The following AATF variants were observed in gnomAD, a reference collection of about 807,000 sequenced individuals.
The protein encoded by AATF is apoptosis antagonizing transcription factor.
AATF carries 48 observed loss-of-function variants against 63.7 expected under a neutral mutation model. The observed-to-expected ratio is 0.75, with a 90% confidence interval of 0.60 to 0.96. The LOEUF (loss-of-function observed/expected upper bound fraction) is 0.96. Ranked by LOEUF, AATF falls within the 40% of genes least tolerant of loss-of-function variation. The pLI, the probability that AATF is intolerant of heterozygous loss-of-function variation, is 0.00. For synonymous variants in AATF, 258 were observed against 247.7 expected (o/e 1.04, Z -0.39); for missense variants, 639 against 685.7 (o/e 0.93, Z 0.76).
chr17:37,018,852 G>A (rs985564029), intron 8 of AATF, 153 bp from the exon 9 acceptor site: 15 of 638,374 alleles, frequency 2.3e-5, no homozygotes, highest in African/African-American at 1.5e-4. Flanking sequence ...AAGCGTTAAC[G>A]GGAATTCAGT....
chr17:37,039,071 T>C (rs2142310281), intron 11 of AATF, among the ~76,000 whole-genome samples: 1 of 152,332 alleles, frequency 6.6e-6, no homozygotes, highest in South Asian at 2.1e-4. Context: ...TTTCCCCCAG[T>C]TGGTAACCCA....
At chr17:37,023,829 G>A (rs911882243) in intron 10 of AATF, among the ~76,000 whole-genome samples, 2 of 151,806 alleles carry the variant, frequency 1.3e-5, no homozygotes, top group African/African-American at 4.8e-5. Flanking sequence ...GTTCCAGGAC[G>A]CACAAACAGC....
At chr17:37,046,976 G>A (rs549644926) in intron 11 of AATF, among the ~76,000 whole-genome samples, 12 of 152,288 alleles carry the variant, frequency 7.9e-5, no homozygotes, top group African/African-American at 1.7e-4. Context: ...TCACAAAACC[G>A]TAAACACAAC....
chr17:36,951,117 C>G (rs2070851690), intron 2 of AATF, among the ~76,000 whole-genome samples: 1 of 152,170 alleles, frequency 6.6e-6, no homozygotes, highest in Admixed American at 6.5e-5. Context: ...TTGTAAATTT[C>G]TCAGAGTGGA....
chr17:37,039,797 A>G (rs1209417232), intron 11 of AATF, among the ~76,000 whole-genome samples: 1 of 152,064 alleles, frequency 6.6e-6, no homozygotes, highest in Admixed American at 6.6e-5. Context: ...TGTTTCTTCT[A>G]TTTTTCCTGA....
Position 37,019,007 on chromosome 17 carries a change from C to T in AATF, c.1401C>T (p.Leu467=). ...IFDDDDFYHQ[L]LRELIERKTS... ...CGTTGCTTTCCTTTTTCCCCTAGCTCCTTCGAGAACTCATAGAACGGAAGA... is the reference window on the plus strand; with the variant it reads ...CGTTGCTTTCCTTTTTCCCCTAGCTTCTTCGAGAACTCATAGAACGGAAGA... The change falls in exon 9 of 12, where the codon CTC becomes CTT. Residue 467 remains leucine (L), a splice_region_variant and synonymous_variant. Coordinates refer to ENST00000619387, the MANE Select transcript of AATF (RefSeq NM_012138.4). The T allele has an allele frequency of 1.2e-6, 2 of 1,613,934 alleles. No individual in the cohort carries two copies. The highest frequency in any genetic ancestry group is 1.7e-6 in the Non-Finnish European group (2 of 1,179,846).
chr17:36,968,693 C>T (rs958528458), intron 4 of AATF, among the ~76,000 whole-genome samples: 4 of 151,992 alleles, frequency 2.6e-5, no homozygotes, highest in Non-Finnish European at 5.9e-5. Flanking sequence ...GTGATCATAG[C>T]TCACTGCAGC....
intron 9 of AATF, among the ~76,000 whole-genome samples, chr17:37,019,901 A>G (rs1377190775): frequency 6.6e-6 from 1 of 152,222 alleles, no homozygotes; most frequent in African/African-American, 2.4e-5. Flanking sequence ...AGCAAATTGC[A>G]TTTAAGTGGT....
At chr17:37,003,933 A>C (rs2071321734) in intron 8 of AATF, among the ~76,000 whole-genome samples, 1 of 151,830 alleles carries the variant, frequency 6.6e-6, no homozygotes. Context: ...GCAAAACCCC[A>C]TCTCTACTAA....
At chr17:36,970,017 G>T (rs2071026580) in intron 4 of AATF, among the ~76,000 whole-genome samples, 1 of 152,104 alleles carries the variant, frequency 6.6e-6, no homozygotes, top group South Asian at 2.1e-4. Flanking sequence ...GTATCCCATT[G>T]TATGGATATA....
intron 11 of AATF, among the ~76,000 whole-genome samples, chr17:37,035,291 T>C (rs2071582782): frequency 6.6e-6 from 1 of 151,490 alleles, no homozygotes; most frequent in Non-Finnish European, 1.5e-5. Flanking sequence ...CTATTTGGGC[T>C]CACTGCAACC....
chr17:37,050,435 G>C (rs565156960), intron 11 of AATF, among the ~76,000 whole-genome samples: 2 of 152,300 alleles, frequency 1.3e-5, no homozygotes, highest in South Asian at 4.1e-4. Context: ...TATACATCTA[G>C]TACATGTTTA....
chr17:36,968,506 G>A (rs991389932), intron 4 of AATF, among the ~76,000 whole-genome samples: 6 of 151,320 alleles, frequency 4.0e-5, no homozygotes, highest in African/African-American at 1.5e-4. Context: ...AAATTCCTGA[G>A]CTTAGGTGAT....
chr17:36,953,333 A>T lies in AATF; in HGVS notation c.694+37A>T, dbSNP rs544211756. ...GTTTTGCTGATTGCCTGTTTTTCAA[A>T]GTATCTGCATTTGGTCTACTTTTCA... On this transcript the variant is annotated intron_variant, in intron 3 of 11. Coordinates refer to ENST00000619387, the MANE Select transcript of AATF (RefSeq NM_012138.4). 2.5e-6 allele frequency: 4 copies of T among 1,586,150 alleles called. No homozygotes were observed. The South Asian group carries it at 4.6e-5, about 18-fold the overall frequency.
At chr17:37,002,274 CAA>C (rs2071305350) in intron 8 of AATF, among the ~76,000 whole-genome samples, 1 of 150,410 alleles carries the variant, frequency 6.6e-6, no homozygotes, top group Non-Finnish European at 1.5e-5. Context: ...ATGAATTCAG[CAA>C]AGTTGTAGGA....
chr17:37,053,276 A>G (rs2071768952), intron 11 of AATF, among the ~76,000 whole-genome samples: 1 of 152,072 alleles, frequency 6.6e-6, no homozygotes, highest in Non-Finnish European at 1.5e-5. Context: ...AATTTTCACT[A>G]AAATTAGGAT....
chr17:36,961,660 G>A (rs1427740461), intron 4 of AATF, among the ~76,000 whole-genome samples: 2 of 151,642 alleles, frequency 1.3e-5, no homozygotes, highest in African/African-American at 4.9e-5. Context: ...CTGGGACAAA[G>A]GACTTGTACA....
At chr17:37,010,517 G>A (rs2071382704) in intron 8 of AATF, among the ~76,000 whole-genome samples, 1 of 152,138 alleles carries the variant, frequency 6.6e-6, no homozygotes, top group South Asian at 2.1e-4. Flanking sequence ...CCTTCAAGGG[G>A]CCCCTGAAGG....
At chr17:36,959,753 A>G (rs924677305) in intron 4 of AATF, among the ~76,000 whole-genome samples, 4 of 152,216 alleles carry the variant, frequency 2.6e-5, no homozygotes, top group Non-Finnish European at 5.9e-5. Flanking sequence ...AAAATGCAAT[A>G]TCATTAAAGA....
Sources: gnomAD v4.1 joint callset for allele counts (sites outside exome capture counted in the v4.1 genomes callset) on GRCh38, gnomAD v4.1.1 for gene constraint, MANE v1.5 for transcripts, NCBI Gene and HGNC (gene_info 2026-07-23, HGNC 2026-07-21) for gene names.